SLC16A12: variants seen among roughly 807,000 people sequenced by gnomAD.
The protein encoded by SLC16A12 is solute carrier family 16 member 12.
Under a neutral mutation model 42.4 loss-of-function variants are expected in SLC16A12, and 17 were observed. The observed-to-expected ratio is 0.40, with a 90% CI of 0.27 to 0.60. The LOEUF is 0.60. SLC16A12 is among the 20% of genes least tolerant of loss of function. SLC16A12 has a pLI of 0.42. For synonymous variants in SLC16A12, 224 were observed against 229.4 expected, an observed-to-expected ratio of 0.98 and a Z score of 0.21; for missense variants, 544 against 623.0, an observed-to-expected ratio of 0.87 and a Z score of 1.35.
chr10:89,446,757 A>C (rs189423661), intron 3 of SLC16A12, among the ~76,000 whole-genome samples: 1 of 152,210 alleles, frequency 6.6e-6, no homozygotes, highest in Non-Finnish European at 1.5e-5. Context: ...CACATACAAC[A>C]TATTAACCTT....
chr10:89,448,637 C>A (rs898522479), intron 3 of SLC16A12, among the ~76,000 whole-genome samples: 1 of 152,114 alleles, frequency 6.6e-6, no homozygotes, highest in African/African-American at 2.4e-5. Context: ...ATGATAAACC[C>A]ACAGCCAATA....
intron 2 of SLC16A12, among the ~76,000 whole-genome samples, chr10:89,508,328 T>C (rs995331675): frequency 1.4e-4 from 21 of 152,308 alleles, no homozygotes; most frequent in African/African-American, 5.1e-4. Flanking sequence ...TAGTTGGAAG[T>C]AAAACACTCT....
intron 2 of SLC16A12, 118 bp from the exon 3 acceptor site, chr10:89,462,742 G>T: frequency 8.8e-7 from 1 of 1,136,628 alleles, no homozygotes; most frequent in Non-Finnish European, 1.2e-6. Flanking sequence ...TTGTAACTAT[G>T]AATACTAGAC....
rs182861814 is a variant in SLC16A12 at position 89,510,926 on chromosome 10, G to C, written c.-47+23575C>G. 2.6e-5 allele frequency among the ~76,000 whole-genome samples: 4 copies of C among 152,196 alleles called. No homozygotes were observed. In the East Asian group the frequency reaches 5.8e-4, roughly 22 times the overall value. On this transcript the variant is annotated intron_variant, in intron 2 of 7. Transcript: ENST00000371790. Reference sequence around the variant, plus strand: ...CCCATCAAAATGGGCCAAGGATATGGACAGACATTTCTCAAAAGAAGACAT... The same window carrying C: ...CCCATCAAAATGGGCCAAGGATATGCACAGACATTTCTCAAAAGAAGACAT...
intron 2 of SLC16A12, among the ~76,000 whole-genome samples, chr10:89,510,175 A>G (rs1458857722): frequency 6.6e-6 from 1 of 152,234 alleles, no homozygotes; most frequent in African/African-American, 2.4e-5. Flanking sequence ...TAATTTATAG[A>G]GTCAATGCTA....
chr10:89,526,216 A>T (rs1311554631), intron 2 of SLC16A12, among the ~76,000 whole-genome samples: 2 of 152,190 alleles, frequency 1.3e-5, no homozygotes, highest in African/African-American at 4.8e-5. Flanking sequence ...ATAAAATTAA[A>T]ATATGAAATG....
chr10:89,526,705 A>G (rs1468168388), intron 2 of SLC16A12, among the ~76,000 whole-genome samples: 1 of 152,252 alleles, frequency 6.6e-6, no homozygotes, highest in Non-Finnish European at 1.5e-5. Flanking sequence ...CTGCTCAGAT[A>G]GCAGAAGGGG....
In SLC16A12 at chr10:89,444,636, T is replaced by A. The variant is rs544293785; in HGVS notation, c.201-777A>T. On this transcript the variant is annotated intron_variant, in intron 3 of 7. Coordinates refer to ENST00000371790, the MANE Select transcript of SLC16A12 (RefSeq NM_213606.4). Reference sequence around the variant, plus strand: ...AAAACAGTTTATGTAAATAGAAAATTTCCTGGATGGCCGAATAGGAACAGC... The same window carrying A: ...AAAACAGTTTATGTAAATAGAAAATATCCTGGATGGCCGAATAGGAACAGC... Among the ~76,000 whole-genome samples the A allele has an allele frequency of 7.2e-5, 11 of 152,290 alleles. No individual in the cohort carries two copies. The South Asian group carries it at 2.1e-3, about 29-fold the overall frequency.
chr10:89,433,149 G>C lies in SLC16A12; in HGVS notation c.1466C>G (p.Ser489Ter), dbSNP rs1332703009. 1 of 1,614,042 alleles carries C rather than the reference G, an allele frequency of 6.2e-7. No homozygotes were observed. The highest frequency in any genetic ancestry group is 1.7e-5 in the Admixed American group (1 of 60,002). ...DPKLQLWTNGSVAYSVARELD... is the reference protein window; with the variant it reads ...DPKLQLWTNG ...TTCTCTTGCCACAGAATAAGCCACT[G>C]ATCCATTGGTCCATAGCTGCAGCTT... The change falls in exon 8 of 8, where the codon TCA becomes TGA. Residue 489 changes from serine to a stop codon, truncating the protein, a stop_gained. Coordinates refer to ENST00000371790, the MANE Select transcript of SLC16A12 (RefSeq NM_213606.4). LOFTEE classifies it high-confidence loss of function.
At position 89,462,769 on chromosome 10, in the gene SLC16A12, T is replaced by C. The variant is rs1324498433; in HGVS notation, c.-46-145A>G. 4 of 879,232 alleles carry C rather than the reference T, an allele frequency of 4.5e-6. No homozygotes were observed. In the Admixed American group the frequency reaches 9.9e-5, roughly 22 times the overall value. 54.5% of individuals were successfully genotyped at this position (879,232 alleles called of 1,614,324 possible). The stretch of plus-strand genomic sequence containing the variant: ...ATACTAGACTGGGGCAGACTATTTG[T>C]TGTCCTTGGTACATGCTTTCTTTTT... On this transcript the variant is annotated intron_variant, in intron 2 of 7. Transcript: ENST00000371790.
At chr10:89,523,617 A>G (rs565322833) in intron 2 of SLC16A12, among the ~76,000 whole-genome samples, 1 of 151,950 alleles carries the variant, frequency 6.6e-6, no homozygotes, top group Admixed American at 6.6e-5. Context: ...TCCTCTGACC[A>G]CTCATTATAT....
At position 89,475,079 on chromosome 10, in the gene SLC16A12, C is replaced by T. The variant is rs374052065; in HGVS notation, c.-46-12455G>A. On this transcript the variant is annotated intron_variant, in intron 2 of 7. Transcript: ENST00000371790. ...AAGCCTCTTGTGGATATTCAGAAAA[C>T]GATAGATTGGCTCCCTATCACTTCA... Among the ~76,000 whole-genome samples the T allele has an allele frequency of 5.0e-4, 76 of 152,288 alleles. 2 individuals carry two copies. The South Asian group carries it at 0.015, about 30-fold the overall frequency.
At chr10:89,472,641 C>T (rs1842518624) in intron 2 of SLC16A12, among the ~76,000 whole-genome samples, 2 of 151,234 alleles carry the variant, frequency 1.3e-5, no homozygotes, top group Admixed American at 1.3e-4. Flanking sequence ...TCCAGGTGCC[C>T]ACAACCATGC....
chr10:89,442,074 C>T (rs1376619175), intron 4 of SLC16A12, among the ~76,000 whole-genome samples: 1 of 152,172 alleles, frequency 6.6e-6, no homozygotes, highest in African/African-American at 2.4e-5. Flanking sequence ...AGGAAAAATT[C>T]ATGCTGACAT....
chr10:89,440,677 G>T (rs1457952923), intron 5 of SLC16A12, among the ~76,000 whole-genome samples: 2 of 152,128 alleles, frequency 1.3e-5, no homozygotes, highest in African/African-American at 4.8e-5. Flanking sequence ...ACAATAAAGG[G>T]TTTTTTAAAA....
intron 2 of SLC16A12, among the ~76,000 whole-genome samples, chr10:89,472,818 C>G (rs1223558513): frequency 1.3e-5 from 2 of 151,212 alleles, no homozygotes; most frequent in Non-Finnish European, 2.9e-5. Flanking sequence ...AAATTTTTTT[C>G]TTTTTTATTA....
In SLC16A12 at chr10:89,430,341, A is replaced by G; in HGVS notation, c.*2723T>C. ...ATTTTATTTTGCTTTTGAAATAAGA[A>G]AATATTAGCATAAATATTTCATCTA... On this transcript the variant is annotated 3_prime_UTR_variant, in exon 8 of 8. Coordinates refer to ENST00000371790, the MANE Select transcript of SLC16A12 (RefSeq NM_213606.4). The G allele has an allele frequency of 4.4e-6, 1 of 227,906 alleles. No homozygotes were observed. 14.1% of individuals were successfully genotyped at this position (227,906 alleles called of 1,614,324 possible).
chr10:89,454,620 A>AT (rs200032464), intron 3 of SLC16A12, among the ~76,000 whole-genome samples: 67 of 146,444 alleles, frequency 4.6e-4, no homozygotes, highest in Admixed American at 8.9e-4. Context: ...ATCACCCATG[A>AT]TTTTTTTTTT....
At chr10:89,468,315 C>T (rs974769307) in intron 2 of SLC16A12, among the ~76,000 whole-genome samples, 1 of 152,192 alleles carries the variant, frequency 6.6e-6, no homozygotes, top group African/African-American at 2.4e-5. Context: ...AATAAGCGCA[C>T]TCGATCCTCA....
Sources: gnomAD v4.1 joint callset for allele counts (sites outside exome capture counted in the v4.1 genomes callset) on GRCh38, gnomAD v4.1.1 for gene constraint, MANE v1.5 for transcripts, NCBI Gene and HGNC (gene_info 2026-07-23, HGNC 2026-07-21) for gene names.